SPAG17: variants seen among roughly 807,000 people sequenced by gnomAD.
SPAG17 encodes the protein sperm associated antigen 17.
Under a neutral mutation model 273.6 loss-of-function variants are expected in SPAG17, and 169 were observed. That is an observed-to-expected ratio of 0.62 (90% CI 0.55 to 0.70). SPAG17 has a LOEUF of 0.70. Among genes scored for constraint, SPAG17 ranks in the 30% least tolerant of loss-of-function variants. SPAG17 has a pLI of 0.00. For synonymous variants in SPAG17, 825 were observed against 873.2 expected, an observed-to-expected ratio of 0.94 and a Z score of 0.97; for missense variants, 2,557 against 2,627.8, an observed-to-expected ratio of 0.97 and a Z score of 0.59.
Position 117,990,084 on chromosome 1 carries a change from T to C in SPAG17, c.5521+777A>G, listed in dbSNP as rs560818142. Among the ~76,000 whole-genome samples the C allele has an allele frequency of 5.2e-4, 78 of 151,372 alleles. 2 individuals carry two copies. The South Asian group carries it at 0.015, about 28-fold the overall frequency. On this transcript the variant is annotated intron_variant, in intron 38 of 48. Coordinates refer to ENST00000336338, the MANE Select transcript of SPAG17 (RefSeq NM_206996.4). ...TATAGGGACACGGAGACATAGGGGG[T>C]TGTGATGGACTCCTGTGATGGTCAT... is the stretch of plus-strand genomic sequence containing the variant.
chr1:117,983,855 T>A lies in SPAG17; in HGVS notation c.5828A>T (p.Asp1943Val). ...ATCTTGAACAGCTGTTTCGTTTGCATCTTCATTTTTCTTTGTAAAAGAAGG... is the reference window on the plus strand; with the variant it reads ...ATCTTGAACAGCTGTTTCGTTTGCAACTTCATTTTTCTTTGTAAAAGAAGG... ...KLPSFTKKNE[D>V]ANETAVQDTS... The change falls in exon 42 of 49, where the codon GAT becomes GTT. Residue 1943 changes from aspartate (D) to valine (V), a missense_variant. Coordinates refer to ENST00000336338, the MANE Select transcript of SPAG17 (RefSeq NM_206996.4). 6.2e-7 allele frequency: 1 copy of A among 1,613,030 alleles called. No homozygotes were observed. The highest frequency in any genetic ancestry group is 8.5e-7 in the Non-Finnish European group (1 of 1,179,430).
chr1:117,966,487 A>G (rs942432663), intron 47 of SPAG17, 122 bp downstream of exon 47: 8 of 1,044,472 alleles, frequency 7.7e-6, no homozygotes, highest in East Asian at 5.3e-5. Flanking sequence ...GTCTTAATAA[A>G]TTTAACTCTG....
chr1:118,031,932 A>G lies in SPAG17; in HGVS notation c.3434-65T>C. On this transcript the variant is annotated intron_variant, in intron 24 of 48. Coordinates refer to ENST00000336338, the MANE Select transcript of SPAG17 (RefSeq NM_206996.4). ...TCATATTTGATATCCTTGTGAAATAACATTTACAACTCAAAAATTTACACA... is the reference window on the plus strand; with the variant it reads ...TCATATTTGATATCCTTGTGAAATAGCATTTACAACTCAAAAATTTACACA... 7 of 1,307,514 alleles carry G rather than the reference A, an allele frequency of 5.4e-6. No homozygotes were observed. In the South Asian group the frequency reaches 1.1e-4, roughly 21 times the overall value. 81.0% of individuals were successfully genotyped at this position (1,307,514 alleles called of 1,614,324 possible).
intron 32 of SPAG17, among the ~76,000 whole-genome samples, chr1:118,002,149 A>G (rs993933022): frequency 4.6e-5 from 7 of 152,158 alleles, no homozygotes; most frequent in Admixed American, 4.6e-4. Flanking sequence ...GAGTTTCTTA[A>G]TCCTGAGTTC....
chr1:118,072,592 T>TA lies in SPAG17; in HGVS notation c.2385+1261dup, dbSNP rs140637950. On this transcript the variant is annotated intron_variant, in intron 17 of 48. Transcript: ENST00000336338. ...AGTTAATAATAAATACATAGTAAACTAAACAAATAGAAAAAGAGGCAATTA... is the reference window on the plus strand; with the variant it reads ...AGTTAATAATAAATACATAGTAAACTAAAACAAATAGAAAAAGAGGCAATTA... Among the ~76,000 whole-genome samples, 1,001 of 152,190 alleles carry TA rather than the reference T, an allele frequency of 6.6e-3. 10 individuals are homozygous for TA. Among genetic ancestry groups the TA allele is most frequent in the African/African-American group, 0.016 (659 of 41,518 alleles).
At chr1:118,171,302 G>T (rs575539740) in intron 1 of SPAG17, among the ~76,000 whole-genome samples, 1 of 152,224 alleles carries the variant, frequency 6.6e-6, no homozygotes, top group South Asian at 2.1e-4. Context: ...ATAAGATTTG[G>T]TTCCTGATGT....
intron 1 of SPAG17, among the ~76,000 whole-genome samples, chr1:118,167,004 T>C (rs897974343): frequency 2.6e-5 from 4 of 152,180 alleles, no homozygotes; most frequent in African/African-American, 9.6e-5. Context: ...CAATGCTCAC[T>C]TATGTTTAAC....
At chr1:118,168,497 G>A (rs925413036) in intron 1 of SPAG17, among the ~76,000 whole-genome samples, 1 of 152,122 alleles carries the variant, frequency 6.6e-6, no homozygotes, top group African/African-American at 2.4e-5. Context: ...CAGGCCATGA[G>A]GCTACGGTAG....
intron 18 of SPAG17, among the ~76,000 whole-genome samples, chr1:118,063,549 T>G (rs1472250420): frequency 4.6e-5 from 7 of 152,186 alleles, no homozygotes; most frequent in Admixed American, 4.6e-4. Flanking sequence ...AAGCTGAAAC[T>G]GGATCCCTTC....
At chr1:117,954,711 T>C (rs1479988964) in intron 48 of SPAG17, 2 of 1,356,550 alleles carry the variant, frequency 1.5e-6, no homozygotes, top group Non-Finnish European at 1.0e-6. Flanking sequence ...CATTATGATT[T>C]GGGGATGGAT....
At chr1:118,144,035 C>G (rs1476489203) in intron 3 of SPAG17, among the ~76,000 whole-genome samples, 7 of 152,202 alleles carry the variant, frequency 4.6e-5, no homozygotes, top group Admixed American at 1.3e-4. Flanking sequence ...TCCTGGACTG[C>G]TAACTATTTG....
At chr1:118,177,918 G>A (rs1660770340) in intron 1 of SPAG17, among the ~76,000 whole-genome samples, 1 of 152,078 alleles carries the variant, frequency 6.6e-6, no homozygotes, top group African/African-American at 2.4e-5. Context: ...GATTGAAGCT[G>A]TAATAAAAAA....
At chr1:118,066,986 T>A in intron 17 of SPAG17, 87 bp from the exon 18 acceptor site, 3 of 1,245,290 alleles carry the variant, frequency 2.4e-6, no homozygotes, top group African/African-American at 3.1e-5. Context: ...CTACTCCCTT[T>A]TTTTCCTACA....
intron 17 of SPAG17, among the ~76,000 whole-genome samples, chr1:118,073,013 G>A (rs1424766640): frequency 6.6e-6 from 1 of 152,060 alleles, no homozygotes; most frequent in African/African-American, 2.4e-5. Context: ...TGGTGGAGTG[G>A]GGTGGGGATG....
chr1:118,113,082 A>G lies in SPAG17; in HGVS notation c.447+2228T>C, dbSNP rs199989068. On this transcript the variant is annotated intron_variant, in intron 4 of 48. Transcript: ENST00000336338. ...TTTCTATTATGGATATTTTTCAAGC[A>G]CTGATTCTTAAAAATACAATTTCAA... Among the ~76,000 whole-genome samples, 65 of 152,228 alleles carry G rather than the reference A, an allele frequency of 4.3e-4. 2 individuals are homozygous for G. The East Asian group carries it at 0.011, about 25-fold the overall frequency.
intron 13 of SPAG17, among the ~76,000 whole-genome samples, 175 bp downstream of exon 13, chr1:118,085,747 A>G (rs1654947051): frequency 1.3e-5 from 2 of 152,250 alleles, no homozygotes; most frequent in African/African-American, 4.8e-5. Context: ...CTATGATAAC[A>G]TTGCTAATGA....
intron 32 of SPAG17, among the ~76,000 whole-genome samples, chr1:118,005,153 T>C (rs1157694234): frequency 6.6e-6 from 1 of 152,248 alleles, no homozygotes; most frequent in Non-Finnish European, 1.5e-5. Context: ...TGCTACTGTT[T>C]CTTCCTTTCT....
chr1:118,039,600 A>T (rs1026801162), intron 22 of SPAG17, among the ~76,000 whole-genome samples, 156 bp from the exon 23 acceptor site: 2 of 152,174 alleles, frequency 1.3e-5, no homozygotes, highest in Non-Finnish European at 2.9e-5. Flanking sequence ...AACATTGAGC[A>T]CACATGAACA....
intron 1 of SPAG17, among the ~76,000 whole-genome samples, chr1:118,151,637 C>T (rs1175480452): frequency 6.6e-6 from 1 of 152,230 alleles, no homozygotes; most frequent in Non-Finnish European, 1.5e-5. Context: ...GACACTTTCA[C>T]TAGAATGTTG....
Sources: gnomAD v4.1 joint callset for allele counts (sites outside exome capture counted in the v4.1 genomes callset) on GRCh38, gnomAD v4.1.1 for gene constraint, MANE v1.5 for transcripts, NCBI Gene and HGNC (gene_info 2026-07-23, HGNC 2026-07-21) for gene names.